The following WDCP variants were observed in gnomAD, a reference collection of about 807,000 sequenced individuals.
WDCP encodes the protein WD repeat and coiled-coil-containing protein.
WDCP carries 19 observed loss-of-function variants against 41.6 expected under a neutral mutation model. The ratio of observed to expected loss-of-function variants is 0.46; its 90% CI spans 0.32 to 0.67. The LOEUF (loss-of-function observed/expected upper bound fraction) is 0.67. WDCP is among the 30% of genes least tolerant of loss of function. WDCP has a pLI of 0.04. For missense variants in WDCP, 802 were observed against 850.7 expected, an observed-to-expected ratio of 0.94 and a Z score of 0.71; for synonymous variants, 302 against 320.8, an observed-to-expected ratio of 0.94 and a Z score of 0.63.
chr2:24,034,184 G>A (rs1464440758), intron 2 of WDCP, among the ~76,000 whole-genome samples: 2 of 152,224 alleles, frequency 1.3e-5, no homozygotes, highest in Non-Finnish European at 2.9e-5. Context: ...ACTTTGGAAG[G>A]CCAAGGCGGG....
chr2:24,030,792 A>G lies in WDCP; in HGVS notation c.*141T>C, dbSNP rs71439110. 9,924 of 517,654 alleles carry G rather than the reference A, an allele frequency of 0.019. 96 individuals are homozygous for G. The highest frequency in any genetic ancestry group is 0.024 in the Non-Finnish European group (6,963 of 284,752). The allele number at this position is 517,654 out of a possible 1,614,324, so 32.1% of individuals were successfully genotyped here. A position where few individuals can be genotyped will look rare whatever the true frequency, so the allele number is the denominator to read the frequency against. On this transcript the variant is annotated 3_prime_UTR_variant, in exon 4 of 4. Coordinates refer to ENST00000295148, the MANE Select transcript of WDCP (RefSeq NM_025203.3). Reference sequence around the variant, plus strand: ...CAGCGAGCCTCAGCTCAGGGGAAACAGGGGGAAACCAGGAGAGCCGACCAT... The same window carrying G: ...CAGCGAGCCTCAGCTCAGGGGAAACGGGGGGAAACCAGGAGAGCCGACCAT...
intron 3 of WDCP, among the ~76,000 whole-genome samples, chr2:24,031,593 G>A (rs1367091108): frequency 2.0e-5 from 3 of 152,072 alleles, no homozygotes; most frequent in Admixed American, 1.3e-4. Flanking sequence ...TTGGGAGGCC[G>A]AGGCGGGCAG....
In WDCP at chr2:24,030,013, C is replaced by T. The variant is rs867061251; in HGVS notation, c.*920G>A. 2.0e-5 allele frequency: 3 copies of T among 152,538 alleles called. No homozygotes were observed. Among genetic ancestry groups the T allele is most frequent in the Non-Finnish European group, 2.9e-5 (2 of 68,026 alleles). 9.4% of individuals were successfully genotyped at this position (152,538 alleles called of 1,614,324 possible). On this transcript the variant is annotated 3_prime_UTR_variant, in exon 4 of 4. Transcript: ENST00000295148. ...CCTGAAATACTTTCTCTCACAGATTCTCTGCTGGTCTCTAAGACTTAAAAG... is the reference window on the plus strand; with the variant it reads ...CCTGAAATACTTTCTCTCACAGATTTTCTGCTGGTCTCTAAGACTTAAAAG...
At chr2:24,045,347 A>T (rs1474663919) in intron 1 of WDCP, among the ~76,000 whole-genome samples, 1 of 152,136 alleles carries the variant, frequency 6.6e-6, no homozygotes, top group Non-Finnish European at 1.5e-5. Context: ...CATGCCTGTA[A>T]TCCCAGCACT....
At chr2:24,037,096 C>T (rs1335743612) in intron 2 of WDCP, among the ~76,000 whole-genome samples, 4 of 152,360 alleles carry the variant, frequency 2.6e-5, no homozygotes, top group Admixed American at 2.0e-4. Context: ...GGCACAGTCT[C>T]GGCTCACTGA....
At position 24,039,407 on chromosome 2, in the gene WDCP, C is replaced by T. The variant is rs201609337; in HGVS notation, c.88G>A (p.Asp30Asn). ...VHPIHGLAWTDGNQVVLTDLR... is the reference protein window; with the variant it reads ...VHPIHGLAWTNGNQVVLTDLR... ...TCAGTTAGGACAACTTGATTCCCAT[C>T]GGTCCAGGCAAGGCCATGGATCGGA... The change falls in exon 2 of 4, where the codon GAT becomes AAT. Residue 30 changes from aspartate to asparagine, a missense_variant. Asp to Asn is a conservative substitution (Grantham distance 23). Coordinates refer to ENST00000295148, the MANE Select transcript of WDCP (RefSeq NM_025203.3). The T allele has an allele frequency of 3.4e-4, 555 of 1,614,162 alleles. 2 individuals are homozygous for T. Among genetic ancestry groups the T allele is most frequent in the Non-Finnish European group, 4.4e-4 (517 of 1,180,062 alleles).
chr2:24,033,894 GAAAAT>G (rs1663167236), intron 2 of WDCP, among the ~76,000 whole-genome samples: 1 of 151,928 alleles, frequency 6.6e-6, no homozygotes, highest in Admixed American at 6.6e-5. Flanking sequence ...CTCATAAAAA[GAAAAT>G]AAAACTATAC....
chr2:24,045,203 G>T (rs576998576), intron 1 of WDCP, among the ~76,000 whole-genome samples: 1 of 152,188 alleles, frequency 6.6e-6, no homozygotes, highest in Non-Finnish European at 1.5e-5. Flanking sequence ...CAGTGATATC[G>T]ATAGGATATA....
chr2:24,046,654 C>T (rs1175439538), intron 1 of WDCP, among the ~76,000 whole-genome samples: 1 of 152,118 alleles, frequency 6.6e-6, no homozygotes, highest in African/African-American at 2.4e-5. Flanking sequence ...ACTTGTTTTC[C>T]AAGTTTATTG....
At chr2:24,035,723 T>TG (rs1295663359) in intron 2 of WDCP, among the ~76,000 whole-genome samples, 1 of 151,360 alleles carries the variant, frequency 6.6e-6, no homozygotes, top group Non-Finnish European at 1.5e-5. Context: ...CAAACAAGCC[T>TG]GGGCAACATA....
intron 2 of WDCP, among the ~76,000 whole-genome samples, chr2:24,034,836 A>G (rs181080154): frequency 2.6e-5 from 4 of 152,214 alleles, no homozygotes; most frequent in South Asian, 4.1e-4. Context: ...CGGCCTCCCA[A>G]AGTTCTGGGG....
intron 2 of WDCP, chr2:24,033,385 G>A: frequency 2.2e-5 from 5 of 230,150 alleles, no homozygotes; most frequent in Non-Finnish European, 3.6e-5. Context: ...AACAAACCAT[G>A]GTCAAAATTC....
chr2:24,039,384 A>C lies in WDCP; in HGVS notation c.111T>G (p.Thr37=), dbSNP rs1481842748. Residue 37 remains threonine, a synonymous_variant, in exon 2 of 4, where the codon ACT becomes ACG. Coordinates refer to ENST00000295148, the MANE Select transcript of WDCP (RefSeq NM_025203.3). ...AWTDGNQVVL[T]DLRLHSGEVK... ...CCTCTCCACTGTGAAGCCGCAAATC[A>C]GTTAGGACAACTTGATTCCCATCGG... is the stretch of plus-strand genomic sequence containing the variant. The C allele has an allele frequency of 1.2e-6, 2 of 1,614,276 alleles. No individual in the cohort carries two copies. Among genetic ancestry groups the C allele is most frequent in the Non-Finnish European group, 1.7e-6 (2 of 1,180,050 alleles).
At chr2:24,047,258 G>C (rs1285065161) in intron 1 of WDCP, 56 bp downstream of exon 1, 8 of 150,874 alleles carry the variant, frequency 5.3e-5, no homozygotes, top group Admixed American at 2.6e-4. Context: ...CTTCCCTCCT[G>C]ACCCCCTACA....
At chr2:24,037,531 G>T in intron 2 of WDCP, 146 bp downstream of exon 2, 2 of 882,144 alleles carry the variant, frequency 2.3e-6, no homozygotes, top group Admixed American at 2.5e-5. Context: ...AACCTGCAAA[G>T]GTGTACCAAC....
In WDCP at chr2:24,037,793, G is replaced by A; in HGVS notation, c.1702C>T (p.Leu568=). 6.2e-7 allele frequency: 1 copy of A among 1,614,232 alleles called. No individual in the cohort carries two copies. The highest frequency in any genetic ancestry group is 8.5e-7 in the Non-Finnish European group (1 of 1,180,048). The part of the protein sequence containing the change: ...SKEVEILSRN[L]VEMQRCLSEL... ...GAAAGACACCGTTGCATTTCAACCA[G>A]GTTCCTAGATAAAATTTCCACTTCC... The change falls in exon 2 of 4, where the codon CTG becomes TTG. Residue 568 remains leucine (L), a synonymous_variant. Coordinates refer to ENST00000295148, the MANE Select transcript of WDCP (RefSeq NM_025203.3).
At chr2:24,034,543 A>G (rs1663183140) in intron 2 of WDCP, among the ~76,000 whole-genome samples, 1 of 151,962 alleles carries the variant, frequency 6.6e-6, no homozygotes, top group African/African-American at 2.4e-5. Flanking sequence ...ATTATAAACT[A>G]AAAAACTGAG....
At chr2:24,034,850 C>T (rs1455351001) in intron 2 of WDCP, among the ~76,000 whole-genome samples, 1 of 152,096 alleles carries the variant, frequency 6.6e-6, no homozygotes, top group Admixed American at 6.5e-5. Context: ...TCTGGGGTTA[C>T]AGGTTTAAGC....
chr2:24,036,159 T>C (rs904314861), intron 2 of WDCP, among the ~76,000 whole-genome samples: 43 of 151,510 alleles, frequency 2.8e-4, no homozygotes, highest in African/African-American at 1.0e-3. Context: ...AAATTAAAAC[T>C]CTACTACTGA....
Sources: gnomAD v4.1 joint callset for allele counts (sites outside exome capture counted in the v4.1 genomes callset) on GRCh38, gnomAD v4.1.1 for gene constraint, MANE v1.5 for transcripts, NCBI Gene and HGNC (gene_info 2026-07-23, HGNC 2026-07-21) for gene names.